RPS6KA2: variants seen among roughly 807,000 people sequenced by gnomAD.
The protein encoded by RPS6KA2 is ribosomal protein S6 kinase A2, also known as ribosomal protein S6 kinase alpha-2.
A neutral mutation model predicts 91.8 loss-of-function variants in RPS6KA2; 42 were observed. The observed-to-expected ratio is 0.46, with a 90% CI of 0.36 to 0.59. The LOEUF is 0.59. Among genes scored for constraint, RPS6KA2 ranks in the 20% least tolerant of loss-of-function variants. The pLI is 0.00. For synonymous variants in RPS6KA2, 414 were observed against 393.6 expected, an observed-to-expected ratio of 1.05 and a Z score of -0.61; for missense variants, 798 against 978.5, an observed-to-expected ratio of 0.82 and a Z score of 2.46.
intron 1 of RPS6KA2, among the ~76,000 whole-genome samples, chr6:166,539,283 T>C (rs1473673710): frequency 6.6e-6 from 1 of 152,196 alleles, no homozygotes; most frequent in Non-Finnish European, 1.5e-5. Context: ...TGGGCCTTCA[T>C]GGTTTCTTTT....
At chr6:166,779,921 G>A (rs1321312041) in intron 2 of RPS6KA2, among the ~76,000 whole-genome samples, 2 of 152,190 alleles carry the variant, frequency 1.3e-5, no homozygotes, top group African/African-American at 4.8e-5. Flanking sequence ...ACACTGGGGT[G>A]GCAGACTGGG....
intron 2 of RPS6KA2, among the ~76,000 whole-genome samples, chr6:166,642,601 G>T (rs947892317): frequency 6.6e-6 from 1 of 152,186 alleles, no homozygotes; most frequent in African/African-American, 2.4e-5. Flanking sequence ...GATTGGTTAA[G>T]CATACATGCT....
At chr6:166,530,189 A>G (rs1783216562) in intron 3 of RPS6KA2, among the ~76,000 whole-genome samples, 1 of 152,186 alleles carries the variant, frequency 6.6e-6, no homozygotes, top group Non-Finnish European at 1.5e-5. Context: ...TGCCGCCTTC[A>G]CATCTCAGAG....
At chr6:166,586,427 A>T in intron 1 of RPS6KA2, 1 of 1,599,950 alleles carries the variant, frequency 6.3e-7, no homozygotes, top group Non-Finnish European at 8.5e-7. Context: ...CTGTGAATCT[A>T]CTAGCAAACA....
At chr6:166,817,202 TC>T (rs5881716) in intron 2 of RPS6KA2, among the ~76,000 whole-genome samples, 95,211 of 151,934 alleles carry the variant, frequency 0.63, 31,288 homozygotes, top group Non-Finnish European at 0.74. Flanking sequence ...CCCCTGCTGC[TC>T]CCCCCTTAGC....
intron 2 of RPS6KA2, among the ~76,000 whole-genome samples, chr6:166,833,538 C>A (rs1244586088): frequency 6.6e-6 from 1 of 152,230 alleles, no homozygotes; most frequent in Non-Finnish European, 1.5e-5. Flanking sequence ...ACGCTTCCCT[C>A]ATGTCCCTTT....
At chr6:166,466,893 C>CCCTT (rs1780548318) in intron 11 of RPS6KA2, among the ~76,000 whole-genome samples, 2 of 150,388 alleles carry the variant, frequency 1.3e-5, no homozygotes, top group Middle Eastern at 3.4e-3. Flanking sequence ...CTCATTCACT[C>CCCTT]ACTCCCTCAT....
intron 2 of RPS6KA2, among the ~76,000 whole-genome samples, chr6:166,816,391 C>CAAAAA (rs61347721): frequency 0.056 from 6,731 of 119,972 alleles, 384 homozygotes; most frequent in East Asian, 0.1. Flanking sequence ...ACTAAAAATA[C>CAAAAA]AAAAAAAAAA....
At chr6:166,860,330 A>G (rs1022875028) in intron 1 of RPS6KA2, among the ~76,000 whole-genome samples, 4 of 152,218 alleles carry the variant, frequency 2.6e-5, no homozygotes, top group Non-Finnish European at 5.9e-5. Flanking sequence ...TATTTAATGT[A>G]TCCAATTTTC....
chr6:166,620,081 A>G (rs1271878455), intron 1 of RPS6KA2, among the ~76,000 whole-genome samples: 1 of 152,186 alleles, frequency 6.6e-6, no homozygotes, highest in African/African-American at 2.4e-5. Context: ...GAGTGCAGAG[A>G]CTGCTCTCCA....
At position 166,502,513 on chromosome 6, in the gene RPS6KA2, C is replaced by T. The variant is rs958389651; in HGVS notation, c.567-1589G>A. On this transcript the variant is annotated intron_variant, in intron 6 of 20. Coordinates refer to ENST00000265678, the MANE Select transcript of RPS6KA2 (RefSeq NM_021135.6). ...GCTGACCTTCAGGAGCAATGAGAAC[C>T]GGCACTCCCGGCCTGAGTGGATGCA... Among the ~76,000 whole-genome samples, 100 of 152,202 alleles carry T rather than the reference C, an allele frequency of 6.6e-4. 4 individuals are homozygous for T. The highest frequency in any genetic ancestry group is 3.1e-4 in the African/African-American group (13 of 41,442).
At chr6:166,818,519 C>T (rs983968624) in intron 2 of RPS6KA2, among the ~76,000 whole-genome samples, 2 of 152,118 alleles carry the variant, frequency 1.3e-5, no homozygotes, top group Non-Finnish European at 1.5e-5. Flanking sequence ...GTCTGCCAGA[C>T]CTTTCCATTG....
At chr6:166,416,252 CACCATTTTTTCTCT>C (rs1778513635) in intron 19 of RPS6KA2, among the ~76,000 whole-genome samples, 1 of 151,758 alleles carries the variant, frequency 6.6e-6, no homozygotes. Context: ...CCATCACCCT[CACCATTTTTTCTCT>C]GTCACCTCTG....
chr6:166,480,515 A>ATATATATATATT (rs1438315609), intron 10 of RPS6KA2, among the ~76,000 whole-genome samples: 1 of 84,364 alleles, frequency 1.2e-5, no homozygotes, highest in African/African-American at 6.1e-5. Context: ...ATATATATAT[A>ATATATATATATT]ATATATTTTT....
In RPS6KA2 at chr6:166,434,900, G is replaced by A. The variant is rs149263763; in HGVS notation, c.1333-2410C>T. Among the ~76,000 whole-genome samples, 1 of 152,282 alleles carries A rather than the reference G, an allele frequency of 6.6e-6. No individual in the cohort carries two copies. The highest frequency in any genetic ancestry group is 1.5e-5 in the Non-Finnish European group (1 of 68,022). Reference sequence around the variant, plus strand: ...TAGACGCATCCATTTCCTTGTGGGTGCATAAAATAACCCTGGAAGGAAGGA... The same window carrying A: ...TAGACGCATCCATTTCCTTGTGGGTACATAAAATAACCCTGGAAGGAAGGA... On this transcript the variant is annotated intron_variant, in intron 14 of 20. Coordinates refer to ENST00000265678, the MANE Select transcript of RPS6KA2 (RefSeq NM_021135.6). This position sits in a 1 kb window ranked among gnomAD's most constrained non-coding sequence, Gnocchi z 4.4.
chr6:166,485,666 G>C (rs557063399), intron 10 of RPS6KA2, among the ~76,000 whole-genome samples: 13 of 152,116 alleles, frequency 8.5e-5, no homozygotes, highest in Non-Finnish European at 1.8e-4. Context: ...CTCCAAACAC[G>C]CCCTCAGAGT....
chr6:166,827,894 T>C (rs185054126), intron 2 of RPS6KA2, among the ~76,000 whole-genome samples: 1 of 152,372 alleles, frequency 6.6e-6, no homozygotes, highest in East Asian at 1.9e-4. Flanking sequence ...ATCGGGTTTT[T>C]AGTTTCAGTC....
chr6:166,774,769 T>C (rs1778569386), intron 2 of RPS6KA2, among the ~76,000 whole-genome samples: 1 of 152,040 alleles, frequency 6.6e-6, no homozygotes, highest in African/African-American at 2.4e-5. Context: ...GATGACGATG[T>C]GGGGAAAATT....
chr6:166,421,123 G>A (rs923625654), intron 17 of RPS6KA2, among the ~76,000 whole-genome samples: 3 of 152,312 alleles, frequency 2.0e-5, no homozygotes, highest in East Asian at 1.9e-4. Context: ...CATCAGCGGG[G>A]TGACCTTCAG....
Sources: allele counts gnomAD v4.1 joint callset (sites outside exome capture counted in the v4.1 genomes callset), GRCh38; gene constraint gnomAD v4.1.1; non-coding constraint Gnocchi (gnomAD v3.1); transcripts MANE v1.5; gene names NCBI Gene and HGNC (gene_info 2026-07-23, HGNC 2026-07-21).